The following GPBP1 variants were observed in gnomAD, a reference collection of about 807,000 sequenced individuals.
The protein encoded by GPBP1 is GC-rich promoter binding protein 1.
GPBP1 carries 13 observed loss-of-function variants against 56.5 expected under a neutral mutation model. That is an observed-to-expected ratio of 0.23 (90% CI 0.15 to 0.37). The LOEUF (loss-of-function observed/expected upper bound fraction) is 0.37. GPBP1 is among the 10% of genes least tolerant of loss of function. GPBP1 has a pLI of 1.00. For missense variants in GPBP1, 477 were observed against 572.3 expected (o/e 0.83, Z 1.70); for synonymous variants, 204 against 188.9 (o/e 1.08, Z -0.66).
chr5:57,184,706 A>G (rs1754209198), intron 2 of GPBP1, among the ~76,000 whole-genome samples: 1 of 152,164 alleles, frequency 6.6e-6, no homozygotes, highest in East Asian at 1.9e-4. Context: ...TAAAGTGTAT[A>G]CAGTTGTGTA....
intron 2 of GPBP1, among the ~76,000 whole-genome samples, chr5:57,204,004 C>G (rs60456792): frequency 2.0e-5 from 3 of 152,062 alleles, no homozygotes; most frequent in Non-Finnish European, 2.9e-5. Context: ...TCTGATGACC[C>G]GTAACTCTTA....
intron 3 of GPBP1, among the ~76,000 whole-genome samples, chr5:57,224,189 C>T (rs896828265): frequency 4.0e-5 from 6 of 151,502 alleles, no homozygotes; most frequent in Non-Finnish European, 8.8e-5. Flanking sequence ...GACTATGGCC[C>T]AGGCTGGAGT....
intron 2 of GPBP1, among the ~76,000 whole-genome samples, chr5:57,178,476 C>T (rs1298455001): frequency 2.0e-5 from 3 of 152,148 alleles, no homozygotes; most frequent in Non-Finnish European, 4.4e-5. Context: ...GAACTCCTGA[C>T]CTCAGATGAT....
intron 3 of GPBP1, among the ~76,000 whole-genome samples, chr5:57,220,100 T>G (rs1055776105): frequency 2.0e-5 from 3 of 151,556 alleles, no homozygotes; most frequent in African/African-American, 7.3e-5. Flanking sequence ...TAAAAAAAGC[T>G]TGTAAATACT....
At chr5:57,234,441 A>G (rs900487313) in intron 5 of GPBP1, among the ~76,000 whole-genome samples, 1 of 152,204 alleles carries the variant, frequency 6.6e-6, no homozygotes, top group Non-Finnish European at 1.5e-5. Flanking sequence ...TAGTGATGAC[A>G]ACTTTAAGAA....
chr5:57,222,518 T>C (rs1755995844), intron 3 of GPBP1, among the ~76,000 whole-genome samples: 1 of 152,214 alleles, frequency 6.6e-6, no homozygotes, highest in Non-Finnish European at 1.5e-5. Context: ...ATGAAATAAC[T>C]GTTTTTTCCC....
At chr5:57,226,646 G>A (rs540183729) in intron 3 of GPBP1, among the ~76,000 whole-genome samples, 5 of 133,158 alleles carry the variant, frequency 3.8e-5, no homozygotes, top group Non-Finnish European at 6.2e-5. Context: ...TGCAGCCTCC[G>A]CCTGCTGGGT....
At chr5:57,213,219 AT>A (rs942691256) in intron 2 of GPBP1, among the ~76,000 whole-genome samples, 3 of 151,824 alleles carry the variant, frequency 2.0e-5, no homozygotes, top group African/African-American at 7.2e-5. Context: ...TGCCCAGCTA[AT>A]TTTTTATTTT....
chr5:57,186,130 C>G (rs1023665188), intron 2 of GPBP1, among the ~76,000 whole-genome samples: 2 of 152,060 alleles, frequency 1.3e-5, no homozygotes, highest in African/African-American at 2.4e-5. Flanking sequence ...TGCCTGGTGG[C>G]TCATGCCTTT....
intron 5 of GPBP1, among the ~76,000 whole-genome samples, chr5:57,231,819 C>T (rs914903816): frequency 3.3e-5 from 5 of 152,074 alleles, no homozygotes; most frequent in Non-Finnish European, 7.3e-5. Flanking sequence ...ATAGGCAAAG[C>T]CCTTACTCTT....
intron 2 of GPBP1, among the ~76,000 whole-genome samples, chr5:57,178,241 T>C (rs750972764): frequency 1.1e-4 from 17 of 152,172 alleles, no homozygotes; most frequent in Non-Finnish European, 1.9e-4. Context: ...ATATTTATTA[T>C]TTGTGATTTT....
intron 5 of GPBP1, among the ~76,000 whole-genome samples, chr5:57,234,280 T>G (rs1453263821): frequency 3.9e-5 from 6 of 152,164 alleles, no homozygotes; most frequent in Non-Finnish European, 7.3e-5. Flanking sequence ...TACTGGAAAT[T>G]TAGGATTTTG....
At chr5:57,236,259 TACTC>T (rs1462827912) in intron 6 of GPBP1, among the ~76,000 whole-genome samples, 1 of 152,228 alleles carries the variant, frequency 6.6e-6, no homozygotes, top group Non-Finnish European at 1.5e-5. Context: ...TCATTAAACA[TACTC>T]AACTTGAATA....
At chr5:57,228,939 A>G (rs1160117233) in intron 3 of GPBP1, among the ~76,000 whole-genome samples, 2 of 152,038 alleles carry the variant, frequency 1.3e-5, no homozygotes, top group Non-Finnish European at 2.9e-5. Flanking sequence ...AGTAATGAAT[A>G]ATTGTCTGGG....
chr5:57,204,627 G>A (rs1298518910), intron 2 of GPBP1, among the ~76,000 whole-genome samples: 3 of 152,102 alleles, frequency 2.0e-5, no homozygotes, highest in Non-Finnish European at 2.9e-5. Context: ...TTATGTTAGT[G>A]TCTCTCAGGT....
chr5:57,251,101 C>G lies in GPBP1; in HGVS notation c.1120C>G (p.Gln374Glu). 6.2e-7 allele frequency: 1 copy of G among 1,611,816 alleles called. No homozygotes were observed. Among genetic ancestry groups the G allele is most frequent in the African/African-American group, 1.3e-5 (1 of 74,918 alleles). ...GATCATTCGGTCTTCAACCTTCCCA[C>G]AAACTGATGTTCTTTCAAGTTCACT... ...QQIIRSSTFP[Q>E]TDVLSSSLEA... Residue 374 changes from glutamine to glutamate, a missense_variant, in exon 10 of 12, where the codon CAA (glutamine) becomes GAA (glutamate). Around this residue, in one of 2 missense-constraint regions of GPBP1, gnomAD observed 414 missense variants for 458.2 expected, o/e 0.90. Coordinates refer to ENST00000506184, the MANE Select transcript of GPBP1 (RefSeq NM_022913.4).
At position 57,212,736 on chromosome 5, in the gene GPBP1, T is replaced by A. The variant is rs535297691; in HGVS notation, c.-57-1338T>A. Among the ~76,000 whole-genome samples, 3 of 150,034 alleles carry A rather than the reference T, an allele frequency of 2.0e-5. No homozygotes were observed. The South Asian group carries it at 6.4e-4, about 32-fold the overall frequency. The stretch of plus-strand genomic sequence containing the variant: ...ACAGGCTGGAGTGCAGTGGCTCTAT[T>A]TCGGCTCACTGCAATCTCCATCTCC... On this transcript the variant is annotated intron_variant, in intron 2 of 11. Coordinates refer to ENST00000506184, the MANE Select transcript of GPBP1 (RefSeq NM_022913.4).
chr5:57,186,134 T>C (rs1466589758), intron 2 of GPBP1, among the ~76,000 whole-genome samples: 7 of 152,156 alleles, frequency 4.6e-5, no homozygotes, highest in African/African-American at 1.4e-4. Flanking sequence ...TGGTGGCTCA[T>C]GCCTTTAATC....
Position 57,263,656 on chromosome 5 carries a change from C to CTTGT in GPBP1, c.*906_*909dup, listed in dbSNP as rs1741999743. On this transcript the variant is annotated 3_prime_UTR_variant, in exon 12 of 12. Transcript: ENST00000506184. ...ACATACTCTAAACATGCTTTATTCA[C>CTTGT]TTGTTAAAGTCATACTTTTAAAAGT... The CTTGT allele has an allele frequency of 6.6e-6, 1 of 152,126 alleles. No individual in the cohort carries two copies. The highest frequency in any genetic ancestry group is 6.5e-5 in the Admixed American group (1 of 15,274). The allele number at this position is 152,126 out of a possible 1,614,324, so 9.4% of individuals were successfully genotyped here.
Sources: gnomAD v4.1 joint callset for allele counts (sites outside exome capture counted in the v4.1 genomes callset) on GRCh38, gnomAD v4.1.1 for gene constraint, gnomAD v4.1.1 regional missense constraint, MANE v1.5 for transcripts, NCBI Gene and HGNC (gene_info 2026-07-23, HGNC 2026-07-21) for gene names.